AHDC1: variants seen among roughly 807,000 people sequenced by gnomAD.
AHDC1 encodes the protein AT-hook DNA binding motif containing 1, also known as transcription factor Gibbin.
In AHDC1, 7 loss-of-function variants were observed where a neutral mutation model predicts 87.9. The ratio of observed to expected loss-of-function variants is 0.08; its 90% CI spans 0.05 to 0.15. AHDC1 has a LOEUF of 0.15. AHDC1 is among the 10% of genes least tolerant of loss of function. The pLI is 1.00. For synonymous variants in AHDC1, 1,051 were observed against 1,006.8 expected (o/e 1.04, Z -0.83); for missense variants, 1,841 against 2,253.2 (o/e 0.82, Z 3.70).
intron 3 of AHDC1, among the ~76,000 whole-genome samples, chr1:27,591,710 T>C (rs764616419): frequency 3.3e-5 from 5 of 152,176 alleles, no homozygotes; most frequent in East Asian, 1.9e-4. Context: ...TCTAGGGACA[T>C]ACAGACCCGG....
chr1:27,599,460 G>A (rs1211529926), intron 3 of AHDC1, among the ~76,000 whole-genome samples: 25 of 152,070 alleles, frequency 1.6e-4, no homozygotes, highest in Admixed American at 1.2e-3. Context: ...CCCAGGCTCC[G>A]GCCCCCTCCA....
Position 27,550,056 on chromosome 1 carries a change from G to A in AHDC1, c.2060C>T (p.Ala687Val). ...GRGGGHAAKS[A>V]RCSFSDFFEG... is the part of the protein sequence containing the mutation. ...AAAGAAGTCACTGAAGGAGCATCGG[G>A]CTGACTTGGCCGCATGGCCCCCACC... Residue 687 changes from alanine (A) to valine (V), a missense_variant, in exon 8 of 9, where the codon GCC (alanine) becomes GTC (valine). This residue lies in a region of AHDC1 where 236 missense variants were observed against 257.9 expected (regional missense o/e 0.92). Transcript: ENST00000673934. The A allele has an allele frequency of 6.2e-7, 1 of 1,605,610 alleles. No individual in the cohort carries two copies. The highest frequency in any genetic ancestry group is 8.5e-7 in the Non-Finnish European group (1 of 1,175,058).
intron 3 of AHDC1, among the ~76,000 whole-genome samples, chr1:27,577,986 C>A (rs971072269): frequency 2.6e-5 from 4 of 152,186 alleles, no homozygotes; most frequent in Non-Finnish European, 5.9e-5. Flanking sequence ...CAGACTACAC[C>A]CAGTTCAAGT....
Position 27,590,589 on chromosome 1 carries a change from G to C in AHDC1, c.-629+12808C>G, listed in dbSNP as rs553998746. Among the ~76,000 whole-genome samples, 4 of 152,252 alleles carry C rather than the reference G, an allele frequency of 2.6e-5. No homozygotes were observed. In the East Asian group the frequency reaches 7.7e-4, roughly 29 times the overall value. On this transcript the variant is annotated intron_variant, in intron 3 of 8. Transcript: ENST00000673934. This position sits in a 1 kb window ranked among gnomAD's most constrained non-coding sequence, Gnocchi z 5.4. ...GTTTTGCTTCTCTCAGACTTGGGGGGTCTGAGGACAAGGCTGTGTGTCCTG... is the reference window on the plus strand; with the variant it reads ...GTTTTGCTTCTCTCAGACTTGGGGGCTCTGAGGACAAGGCTGTGTGTCCTG...
intron 3 of AHDC1, among the ~76,000 whole-genome samples, chr1:27,592,279 A>G (rs1211040223): frequency 6.6e-6 from 1 of 152,124 alleles, no homozygotes; most frequent in African/African-American, 2.4e-5. Context: ...TCATCCACAG[A>G]GCCCGTCACC....
In AHDC1 at chr1:27,548,243, G is replaced by C; in HGVS notation, c.3873C>G (p.Ala1291=). 2 of 1,612,546 alleles carry C rather than the reference G, an allele frequency of 1.2e-6. No homozygotes were observed. The highest frequency in any genetic ancestry group is 8.5e-7 in the Non-Finnish European group (1 of 1,179,552). Residue 1291 remains alanine, a synonymous_variant, in exon 8 of 9, where the codon GCC becomes GCG. Transcript: ENST00000673934. The part of the protein sequence containing the change: ...SAKKERGGAA[A]KAKFIPKPQP... ...GTGGCTTGGGGATGAACTTGGCTTTGGCCGCTGCGCCACCCCGCTCCTTCT... is the reference window on the plus strand; with the variant it reads ...GTGGCTTGGGGATGAACTTGGCTTTCGCCGCTGCGCCACCCCGCTCCTTCT...
intron 3 of AHDC1, among the ~76,000 whole-genome samples, chr1:27,581,807 G>A (rs1325388130): frequency 3.3e-5 from 5 of 152,132 alleles, no homozygotes; most frequent in African/African-American, 1.2e-4. Flanking sequence ...GACATTCAGG[G>A]GCCTTCAGAG....
chr1:27,594,655 C>A (rs921286589), intron 3 of AHDC1, among the ~76,000 whole-genome samples: 1 of 152,148 alleles, frequency 6.6e-6, no homozygotes, highest in East Asian at 1.9e-4. Context: ...GCAGAGGAGG[C>A]TCTGGGAAGA....
rs2020092850 is a variant in AHDC1 at position 27,561,697 on chromosome 1, G to C, written c.-628-2814C>G. ...CACAAGAGAGAGAGAGGAAAAGACA[G>C]AGAGAGAGAGCGTGCCAGAGGGAGA... On this transcript the variant is annotated intron_variant, in intron 3 of 8. Transcript: ENST00000673934. This position sits in a 1 kb window ranked among gnomAD's most constrained non-coding sequence, Gnocchi z 4.2. Among the ~76,000 whole-genome samples the C allele has an allele frequency of 6.6e-6, 1 of 152,040 alleles. No homozygotes were observed. Among genetic ancestry groups the C allele is most frequent in the Non-Finnish European group, 1.5e-5 (1 of 68,004 alleles).
intron 3 of AHDC1, among the ~76,000 whole-genome samples, chr1:27,580,010 A>C (rs1052027968): frequency 1.3e-5 from 2 of 151,880 alleles, no homozygotes; most frequent in Non-Finnish European, 2.9e-5. Context: ...TCCAAATCCT[A>C]CTCTGATCTC....
chr1:27,553,522 T>C (rs549644917), intron 5 of AHDC1: 1 of 151,196 alleles, frequency 6.6e-6, no homozygotes, highest in Non-Finnish European at 1.5e-5. Context: ...ACACCGGGAG[T>C]CAACAATAAA....
At chr1:27,577,450 C>T (rs978089041) in intron 3 of AHDC1, among the ~76,000 whole-genome samples, 2 of 152,124 alleles carry the variant, frequency 1.3e-5, no homozygotes, top group African/African-American at 4.8e-5. Context: ...GACTATGGGC[C>T]CCTAGGTTTC....
At chr1:27,570,350 C>T (rs2020514095) in intron 3 of AHDC1, among the ~76,000 whole-genome samples, 1 of 152,014 alleles carries the variant, frequency 6.6e-6, no homozygotes, top group Non-Finnish European at 1.5e-5. Context: ...CATCCCTCAC[C>T]CAGGGCTACT....
rs541491791 is a variant in AHDC1 at position 27,603,803 on chromosome 1, T to G, written c.-802A>C. 40 of 150,708 alleles carry G rather than the reference T, an allele frequency of 2.7e-4. No individual in the cohort carries two copies. The highest frequency in any genetic ancestry group is 4.6e-4 in the Admixed American group (7 of 15,150). 9.3% of individuals were successfully genotyped at this position (150,708 alleles called of 1,614,324 possible). A position where few individuals can be genotyped will look rare whatever the true frequency, so the allele number is the denominator to read the frequency against. The stretch of plus-strand genomic sequence containing the variant: ...TCCTCCCTCCCGCTCTCTCTGGCTG[T>G]CTGTCTGTCTCTCAGACTGTCTCTA... On this transcript the variant is annotated 5_prime_UTR_variant, in exon 2 of 9. Transcript: ENST00000673934.
At chr1:27,602,685 C>T (rs948699952) in intron 3 of AHDC1, among the ~76,000 whole-genome samples, 5 of 152,182 alleles carry the variant, frequency 3.3e-5, no homozygotes, top group Admixed American at 1.3e-4. Flanking sequence ...CAATCAGAGC[C>T]CCAGAGGAAA....
Position 27,548,259 on chromosome 1 carries a change from C to T in AHDC1, c.3857G>A (p.Arg1286Gln), listed in dbSNP as rs377405108. The part of the protein sequence containing the change: ...GGGACSAKKE[R>Q]GGAAAKAKFI... ...CTTGGCTTTGGCCGCTGCGCCACCC[C>T]GCTCCTTCTTGGCTGAGCAGGCCCC... Residue 1286 changes from arginine (R) to glutamine (Q), a missense_variant, in exon 8 of 9, where the codon CGG becomes CAG. Arg to Gln is a conservative substitution (Grantham distance 43). This residue lies in a region of AHDC1 where 505 missense variants were observed against 626.2 expected (regional missense o/e 0.81). Transcript: ENST00000673934. The T allele has an allele frequency of 5.6e-6, 9 of 1,611,466 alleles. No homozygotes were observed. The highest frequency in any genetic ancestry group is 1.3e-5 in the African/African-American group (1 of 75,042).
chr1:27,545,627 G>C (rs1256983990), intron 8 of AHDC1, among the ~76,000 whole-genome samples: 2 of 152,010 alleles, frequency 1.3e-5, no homozygotes, highest in Admixed American at 6.6e-5. Context: ...TAAACCCTAA[G>C]CAGTTTCTCC....
chr1:27,538,400 C>CAAAAAAAACAAAAAAAAAAAAAAAAA (rs2018744703), intron 8 of AHDC1, among the ~76,000 whole-genome samples: 1 of 60,704 alleles, frequency 1.6e-5, no homozygotes, highest in African/African-American at 5.2e-5. Flanking sequence ...AAGACTGTCT[C>CAAAAAAAACAAAAAAAAAAAAAAAAA]AAAAAAAAAA....
intron 5 of AHDC1, chr1:27,553,414 GGACA>G (rs1422575601): frequency 2.6e-5 from 4 of 152,164 alleles, no homozygotes; most frequent in African/African-American, 9.7e-5. Context: ...GACAAGGACT[GGACA>G]GACAGACACT....
Sources: allele counts gnomAD v4.1 joint callset (sites outside exome capture counted in the v4.1 genomes callset), GRCh38; gene constraint gnomAD v4.1.1; regional missense constraint gnomAD v4.1.1; non-coding constraint Gnocchi (gnomAD v3.1); transcripts MANE v1.5; gene names NCBI Gene and HGNC (gene_info 2026-07-23, HGNC 2026-07-21).